Variants in EIF4G3 observed in about 807,000 individuals in gnomAD.
The protein encoded by EIF4G3 is eukaryotic translation initiation factor 4 gamma 3.
In EIF4G3, 34 loss-of-function variants were observed where a neutral mutation model predicts 186.4. The observed-to-expected ratio is 0.18, with a 90% confidence interval of 0.14 to 0.24. The LOEUF is 0.24. Ranked by LOEUF, EIF4G3 falls within the 10% of genes least tolerant of loss-of-function variation. The pLI is 1.00. For synonymous variants in EIF4G3, 673 were observed against 679.5 expected, an observed-to-expected ratio of 0.99 and a Z score of 0.15; for missense variants, 1,536 against 1,948.5, an observed-to-expected ratio of 0.79 and a Z score of 3.99.
intron 10 of EIF4G3, among the ~76,000 whole-genome samples, chr1:20,978,910 T>C (rs565357693): frequency 6.7e-4 from 101 of 150,450 alleles, no homozygotes; most frequent in African/African-American, 2.3e-3. Flanking sequence ...ACCTCAAAAC[T>C]GAAAAAAAAA....
At chr1:20,816,681 G>A (rs1187485221) in intron 34 of EIF4G3, among the ~76,000 whole-genome samples, 2 of 109,914 alleles carry the variant, frequency 1.8e-5, no homozygotes, top group East Asian at 3.3e-4. Flanking sequence ...GCTTCTGCCC[G>A]GCCGCCCCTA....
chr1:20,855,339 G>T (rs954813318), intron 25 of EIF4G3, among the ~76,000 whole-genome samples: 3 of 152,144 alleles, frequency 2.0e-5, no homozygotes, highest in Non-Finnish European at 2.9e-5. Context: ...GATGGTTTAT[G>T]AATTTGCTAA....
chr1:20,982,330 A>C (rs2078465002), intron 8 of EIF4G3, 58 bp downstream of exon 8: 2 of 1,275,148 alleles, frequency 1.6e-6, no homozygotes, highest in East Asian at 2.8e-5. Flanking sequence ...ATCAATCTCA[A>C]TGTAATAATA....
rs2068349364 is a variant in EIF4G3 at position 20,840,846 on chromosome 1, G to A, written c.4061+10C>T. The stretch of plus-strand genomic sequence containing the variant: ...AGTAACTGAATACCACTCTTGAAGA[G>A]GATACTGACCCTTTGAAAAAGTCCT... On this transcript the variant is annotated intron_variant, in intron 30 of 36. Transcript: ENST00000602326. 2 of 1,613,598 alleles carry A rather than the reference G, an allele frequency of 1.2e-6. No individual in the cohort carries two copies. The highest frequency in any genetic ancestry group is 1.7e-6 in the Non-Finnish European group (2 of 1,179,672).
chr1:21,131,304 A>T lies in EIF4G3; in HGVS notation c.-271-42091T>A, dbSNP rs531070146. Among the ~76,000 whole-genome samples, 6 of 148,100 alleles carry T rather than the reference A, an allele frequency of 4.1e-5. No individual in the cohort carries two copies. The Admixed American group carries it at 4.2e-4, about 10-fold the overall frequency. ...AAGATGTATCAACAGAAATTACTCAAACTACAACATAGGGAAGAAAAAAAA... is the reference window on the plus strand; with the variant it reads ...AAGATGTATCAACAGAAATTACTCATACTACAACATAGGGAAGAAAAAAAA... On this transcript the variant is annotated intron_variant, in intron 2 of 36. Coordinates refer to ENST00000602326, the MANE Select transcript of EIF4G3 (RefSeq NM_001391906.1).
intron 2 of EIF4G3, among the ~76,000 whole-genome samples, chr1:21,094,968 G>C (rs1466804756): frequency 6.6e-6 from 1 of 151,950 alleles, no homozygotes; most frequent in Admixed American, 6.6e-5. Context: ...TTCTTCCTTT[G>C]CTCTCCTTAC....
At chr1:21,074,822 G>C (rs1006259733) in intron 3 of EIF4G3, among the ~76,000 whole-genome samples, 5 of 152,166 alleles carry the variant, frequency 3.3e-5, no homozygotes, top group African/African-American at 1.2e-4. Context: ...TTTAATCCTA[G>C]GACTTGGAGA....
chr1:20,847,212 C>T (rs748319607), intron 29 of EIF4G3, among the ~76,000 whole-genome samples: 8 of 152,152 alleles, frequency 5.3e-5, no homozygotes, highest in African/African-American at 1.4e-4. Context: ...GAGAATGTTA[C>T]GAGGACAATA....
At chr1:20,878,971 TAATTA>T (rs1432311435) in intron 20 of EIF4G3, among the ~76,000 whole-genome samples, 1 of 152,168 alleles carries the variant, frequency 6.6e-6, no homozygotes, top group Admixed American at 6.5e-5. Context: ...ATTTCAAACT[TAATTA>T]AATGTGAAAG....
At chr1:20,970,067 G>A (rs982546557) in intron 11 of EIF4G3, among the ~76,000 whole-genome samples, 23 of 151,986 alleles carry the variant, frequency 1.5e-4, no homozygotes, top group African/African-American at 5.1e-4. Context: ...AGGTTCAAGC[G>A]ATTCTCGTGC....
chr1:20,816,245 C>T (rs1470079555), intron 34 of EIF4G3, among the ~76,000 whole-genome samples: 4 of 60,644 alleles, frequency 6.6e-5, no homozygotes, highest in East Asian at 6.7e-4. Flanking sequence ...AGCCCCCCGC[C>T]TGGCCAGCCA....
chr1:20,837,577 T>A (rs918695025), intron 30 of EIF4G3, among the ~76,000 whole-genome samples: 1 of 152,184 alleles, frequency 6.6e-6, no homozygotes, highest in African/African-American at 2.4e-5. Context: ...TCCCCAACTG[T>A]TCAGAAGTTG....
intron 33 of EIF4G3, among the ~76,000 whole-genome samples, chr1:20,818,870 G>A (rs2061643709): frequency 6.6e-6 from 1 of 152,074 alleles, no homozygotes. Context: ...CTTGAGTTCT[G>A]TCATCTGATT....
At chr1:20,906,142 T>TA (rs1365762287) in intron 14 of EIF4G3, among the ~76,000 whole-genome samples, 40 of 152,292 alleles carry the variant, frequency 2.6e-4, no homozygotes, top group Admixed American at 2.4e-3. Flanking sequence ...CAGGAACCAT[T>TA]AAGGAAACAC....
At chr1:20,851,836 G>C (rs112452350) in intron 27 of EIF4G3, among the ~76,000 whole-genome samples, 1 of 151,964 alleles carries the variant, frequency 6.6e-6, no homozygotes, top group Non-Finnish European at 1.5e-5. Context: ...TGGCCAACAT[G>C]GTGAAACTGT....
At chr1:20,958,528 A>G (rs939173648) in intron 12 of EIF4G3, among the ~76,000 whole-genome samples, 13 of 152,212 alleles carry the variant, frequency 8.5e-5, no homozygotes, top group African/African-American at 3.1e-4. Context: ...TATTCAACAT[A>G]GTTTTGGAAG....
chr1:21,173,650 T>C (rs528660612), intron 2 of EIF4G3, among the ~76,000 whole-genome samples: 1 of 152,272 alleles, frequency 6.6e-6, no homozygotes, highest in East Asian at 1.9e-4. Flanking sequence ...ATTACACCAC[T>C]GCACTCCAGC....
At chr1:21,039,573 G>C (rs2093439711) in intron 4 of EIF4G3, among the ~76,000 whole-genome samples, 1 of 152,136 alleles carries the variant, frequency 6.6e-6, no homozygotes, top group South Asian at 2.1e-4. Context: ...TAAGCTGGGG[G>C]GATCCCTTGT....
At chr1:20,825,268 A>G in intron 32 of EIF4G3, 70 bp from the exon 33 acceptor site, 1 of 1,216,988 alleles carries the variant, frequency 8.2e-7, no homozygotes, top group Non-Finnish European at 1.1e-6. Flanking sequence ...AAAAAAAAAA[A>G]AAGATTTGCT....
Sources: allele counts gnomAD v4.1 joint callset (sites outside exome capture counted in the v4.1 genomes callset), GRCh38; gene constraint gnomAD v4.1.1; transcripts MANE v1.5; gene names NCBI Gene and HGNC (gene_info 2026-07-23, HGNC 2026-07-21).